Variants in NSD2 observed in about 807,000 individuals in gnomAD.
The protein encoded by NSD2 is nuclear receptor binding SET domain protein 2.
In NSD2, 12 loss-of-function variants were observed where a neutral mutation model predicts 139.0. The observed-to-expected ratio is 0.09, with a 90% CI of 0.06 to 0.14. The LOEUF (loss-of-function observed/expected upper bound fraction) is 0.14. Among genes scored for constraint, NSD2 ranks in the 10% least tolerant of loss-of-function variants. The pLI is 1.00. For synonymous variants in NSD2, 669 were observed against 648.7 expected, an observed-to-expected ratio of 1.03 and a Z score of -0.48; for missense variants, 1,155 against 1,745.0, an observed-to-expected ratio of 0.66 and a Z score of 6.02.
chr4:1,886,197 C>T (rs1715067512), intron 1 of NSD2, among the ~76,000 whole-genome samples: 1 of 152,106 alleles, frequency 6.6e-6, no homozygotes, highest in Admixed American at 6.5e-5. Flanking sequence ...GCTCTTTCAG[C>T]TGTTTCCTTT....
rs548275108 is a variant in NSD2 at position 1,968,293 on chromosome 4, G to A, written c.3373-6570G>A. 1.1e-4 allele frequency among the ~76,000 whole-genome samples: 16 copies of A among 152,356 alleles called. 1 individual carries two copies. The East Asian group carries it at 3.1e-3, about 29-fold the overall frequency. On this transcript the variant is annotated intron_variant, in intron 18 of 21. Coordinates refer to ENST00000508803, the MANE Select transcript of NSD2 (RefSeq NM_001042424.3). ...TGTGGATATGTCTTAAATAAGTCAGGTTGTGTCAAATTATGATGGATGATG... is the reference window on the plus strand; with the variant it reads ...TGTGGATATGTCTTAAATAAGTCAGATTGTGTCAAATTATGATGGATGATG...
intron 5 of NSD2, among the ~76,000 whole-genome samples, chr4:1,922,268 A>T (rs373501773): frequency 6.6e-6 from 1 of 152,232 alleles, no homozygotes; most frequent in East Asian, 1.9e-4. Context: ...GTTCACCAGG[A>T]TATAAAATTA....
At chr4:1,975,479 C>G (rs978232694) in intron 20 of NSD2, 79 bp downstream of exon 20, 1 of 1,303,690 alleles carries the variant, frequency 7.7e-7, no homozygotes, top group South Asian at 1.2e-5. Context: ...CCCCCGTGAA[C>G]AGCGGCTTCC....
intron 6 of NSD2, among the ~76,000 whole-genome samples, chr4:1,931,203 C>T (rs189932182): frequency 2.9e-4 from 44 of 152,290 alleles, no homozygotes; most frequent in African/African-American, 8.2e-4. Context: ...CTCCTGGTTT[C>T]GGCTGTAGTC....
chr4:1,940,223 A>G, intron 9 of NSD2: 3 of 1,076,244 alleles, frequency 2.8e-6, no homozygotes, highest in Non-Finnish European at 2.3e-6. Flanking sequence ...TTCCAGACCT[A>G]GGCTCATGGA....
intron 1 of NSD2, chr4:1,892,047 T>C (rs1324040493): frequency 6.6e-6 from 1 of 152,170 alleles, no homozygotes; most frequent in Admixed American, 6.5e-5. Flanking sequence ...CTCTAGAATA[T>C]TAGCACCTCA....
At chr4:1,900,334 A>G (rs1021699809) in intron 1 of NSD2, among the ~76,000 whole-genome samples, 1 of 152,216 alleles carries the variant, frequency 6.6e-6, no homozygotes, top group Non-Finnish European at 1.5e-5. Context: ...TTATGTGTCC[A>G]TGGCCACACT....
intron 1 of NSD2, among the ~76,000 whole-genome samples, chr4:1,892,510 C>A (rs890878846): frequency 6.6e-6 from 1 of 152,120 alleles, no homozygotes; most frequent in Non-Finnish European, 1.5e-5. Flanking sequence ...TAAAAAACAG[C>A]AATGTGATGC....
chr4:1,917,641 T>G (rs1239818346), intron 4 of NSD2, among the ~76,000 whole-genome samples: 1 of 152,128 alleles, frequency 6.6e-6, no homozygotes, highest in Non-Finnish European at 1.5e-5. Context: ...TTCACCAGGT[T>G]GGCCAGACTG....
At chr4:1,939,361 G>A (rs1303713440) in intron 8 of NSD2, 1 of 401,724 alleles carries the variant, frequency 2.5e-6, no homozygotes, top group Middle Eastern at 7.2e-4. Context: ...ATATGTCTGG[G>A]ATTTGCTTCA....
At chr4:1,960,245 TA>T (rs1330028470) in intron 17 of NSD2, among the ~76,000 whole-genome samples, 2 of 152,236 alleles carry the variant, frequency 1.3e-5, no homozygotes, top group African/African-American at 4.8e-5. Context: ...CACATTCCCT[TA>T]AAACATGCCT....
intron 1 of NSD2, among the ~76,000 whole-genome samples, chr4:1,886,957 C>T (rs1396431937): frequency 6.6e-6 from 1 of 152,160 alleles, no homozygotes; most frequent in African/African-American, 2.4e-5. Flanking sequence ...CTCTTACCTC[C>T]CATGTTACCT....
intron 9 of NSD2, chr4:1,947,452 C>G: frequency 9.4e-7 from 1 of 1,059,088 alleles, no homozygotes; most frequent in African/African-American, 1.6e-5. Context: ...GAGACTCACC[C>G]CCAGCCCTGA....
chr4:1,926,322 T>G (rs1281021739), intron 5 of NSD2, among the ~76,000 whole-genome samples: 2 of 151,426 alleles, frequency 1.3e-5, no homozygotes, highest in Non-Finnish European at 2.9e-5. Context: ...GCCCAGCTAA[T>G]TTTTGTATTT....
intron 1 of NSD2, among the ~76,000 whole-genome samples, chr4:1,883,650 G>A (rs1397651435): frequency 3.6e-5 from 5 of 139,338 alleles, no homozygotes; most frequent in Admixed American, 2.9e-4. Context: ...AAAAAAAAAA[G>A]CGTACCTCCT....
Position 1,951,122 on chromosome 4 carries a change from A to C in NSD2, c.1932A>C (p.Ala644=). ...DEPSESPYES[A]DETQTEVSVS... ...CCTCGGAGTCCCCATACGAAAGTGC[A>C]GACGAAACACAAACTGAAGTATCTG... Residue 644 remains alanine, a synonymous_variant, in exon 10 of 22, where the codon GCA becomes GCC. Transcript: ENST00000508803. The C allele has an allele frequency of 1.9e-6, 3 of 1,614,260 alleles. No homozygotes were observed. In the South Asian group the frequency reaches 3.3e-5, roughly 18 times the overall value.
intron 1 of NSD2, among the ~76,000 whole-genome samples, chr4:1,880,012 C>G (rs936200622): frequency 2.6e-5 from 4 of 152,094 alleles, no homozygotes; most frequent in African/African-American, 9.7e-5. Context: ...ATGTGGAAAG[C>G]ACTTAGTTAA....
In NSD2 at chr4:1,982,186, T is replaced by C. The variant is rs569374683; in HGVS notation, c.*3277T>C. On this transcript the variant is annotated 3_prime_UTR_variant, in exon 22 of 22. Coordinates refer to ENST00000508803, the MANE Select transcript of NSD2 (RefSeq NM_001042424.3). The stretch of plus-strand genomic sequence containing the variant: ...GAGTATTTTTGTATTAAAAACATTT[T>C]AAAGGCTTTTTTCTTAACTTATTTT... 1 of 369,310 alleles carries C rather than the reference T, an allele frequency of 2.7e-6. No individual in the cohort carries two copies. Among genetic ancestry groups the C allele is most frequent in the Non-Finnish European group, 4.8e-6 (1 of 208,368 alleles). 22.9% of individuals were successfully genotyped at this position (369,310 alleles called of 1,614,324 possible). A position where few individuals can be genotyped will look rare whatever the true frequency, so the allele number is the denominator to read the frequency against.
chr4:1,953,129 C>CA, intron 11 of NSD2, 195 bp from the exon 12 acceptor site: 1 of 1,542,902 alleles, frequency 6.5e-7, no homozygotes, highest in Non-Finnish European at 8.8e-7. Context: ...CAGATCGCAG[C>CA]AAGGTAATCC....
Sources: gnomAD v4.1 joint callset for allele counts (sites outside exome capture counted in the v4.1 genomes callset) on GRCh38, gnomAD v4.1.1 for gene constraint, MANE v1.5 for transcripts, NCBI Gene and HGNC (gene_info 2026-07-23, HGNC 2026-07-21) for gene names.